CCDC3: variants seen among roughly 807,000 people sequenced by gnomAD.
The protein encoded by CCDC3 is coiled-coil domain containing 3, also known as coiled-coil domain-containing protein 3.
In CCDC3, 24 loss-of-function variants were observed where a neutral mutation model predicts 21.4. The observed-to-expected ratio is 1.12, with a 90% confidence interval of 0.81 to 1.58. The LOEUF is 1.58. CCDC3 is among the 40% of genes most tolerant of loss of function. The probability of loss-of-function intolerance (pLI) is 0.00; values close to 1 mark genes in which losing one functional copy is unlikely to be tolerated. For missense variants in CCDC3, 425 were observed against 360.9 expected (o/e 1.18, Z -1.44); for synonymous variants, 186 against 166.0 (o/e 1.12, Z -0.93).
intron 2 of CCDC3, among the ~76,000 whole-genome samples, chr10:12,964,649 T>C (rs1835233036): frequency 6.6e-6 from 1 of 152,188 alleles, no homozygotes; most frequent in Non-Finnish European, 1.5e-5. Context: ...TGATAATACA[T>C]TTCCTCACTG....
At chr10:13,004,970 C>T (rs1420056204), upstream of CCDC3, among the ~76,000 whole-genome samples, 2 of 152,136 alleles carry the variant, frequency 1.3e-5, no homozygotes, top group Non-Finnish European at 2.9e-5. Flanking sequence ...ATAAGATGTC[C>T]ATTCATTCAC....
intron 5 of CCDC3, among the ~76,000 whole-genome samples, chr10:13,039,384 C>A (rs1836419932): frequency 1.3e-5 from 2 of 151,120 alleles, no homozygotes; most frequent in African/African-American, 4.9e-5. Flanking sequence ...GATCGTGCCA[C>A]TGCACTCCAG....
At chr10:12,923,430 G>A (rs778027946) in intron 2 of CCDC3, among the ~76,000 whole-genome samples, 4 of 151,974 alleles carry the variant, frequency 2.6e-5, no homozygotes, top group African/African-American at 4.8e-5. Context: ...CTCCTGGCAC[G>A]CCCTTTCCAC....
intron 2 of CCDC3, among the ~76,000 whole-genome samples, chr10:12,979,449 G>A (rs1287205303): frequency 1.3e-5 from 2 of 151,962 alleles, no homozygotes; most frequent in Non-Finnish European, 2.9e-5. Context: ...CTGGAGTGCA[G>A]TGGCATGATC....
At chr10:13,016,493 C>T (rs12415226) in intron 5 of CCDC3, among the ~76,000 whole-genome samples, 7 of 152,016 alleles carry the variant, frequency 4.6e-5, no homozygotes, top group Admixed American at 2.0e-4. Context: ...CTTGGAGGCT[C>T]CTAATGTACA....
chr10:12,997,480 G>C (rs1255394051), intron 2 of CCDC3, among the ~76,000 whole-genome samples: 1 of 152,182 alleles, frequency 6.6e-6, no homozygotes, highest in African/African-American at 2.4e-5. Flanking sequence ...ATTTGGCCCA[G>C]ATCGGAAGAC....
At chr10:12,901,870 C>T (rs183827571) in intron 2 of CCDC3, among the ~76,000 whole-genome samples, 2 of 152,350 alleles carry the variant, frequency 1.3e-5, no homozygotes, top group Admixed American at 1.3e-4. Context: ...CTTCCTCCAA[C>T]ACATCAGCGC....
rs1367245593 is a variant in CCDC3 at position 12,898,465 on chromosome 10, G to A, written c.764C>T (p.Pro255Leu). The A allele has an allele frequency of 1.9e-6, 3 of 1,612,432 alleles. No homozygotes were observed. The highest frequency in any genetic ancestry group is 1.3e-5 in the African/African-American group (1 of 75,038). Residue 255 changes from proline (P) to leucine (L), a missense_variant, in exon 3 of 3, where the codon CCG becomes CTG. Pro to Leu is a moderately conservative substitution (Grantham distance 98). Transcript: ENST00000378825. ...LSEKLAAGAL[P>L]HINARGPVRP... ...CACGGGCCCCCGGGCATTGATGTGCGGCAGCGCGCCCGCCGCCAGCTTCTC... is the reference window on the plus strand; with the variant it reads ...CACGGGCCCCCGGGCATTGATGTGCAGCAGCGCGCCCGCCGCCAGCTTCTC...
intron 2 of CCDC3, among the ~76,000 whole-genome samples, chr10:12,951,539 C>T (rs1835008067): frequency 6.6e-6 from 1 of 152,094 alleles, no homozygotes; most frequent in Admixed American, 6.6e-5. Flanking sequence ...CACTCTGTGG[C>T]TCACGCCTGT....
chr10:12,914,634 G>C (rs1184729797), intron 2 of CCDC3, among the ~76,000 whole-genome samples: 3 of 151,632 alleles, frequency 2.0e-5, no homozygotes, highest in Non-Finnish European at 4.4e-5. Context: ...TGTAGAGCCG[G>C]GATTTTGCTA....
intron 5 of CCDC3, among the ~76,000 whole-genome samples, chr10:13,030,385 A>G (rs1057225574): frequency 1.3e-5 from 2 of 152,202 alleles, no homozygotes; most frequent in African/African-American, 4.8e-5. Context: ...CACTGCAAAA[A>G]CATGCCAAAT....
intron 2 of CCDC3, among the ~76,000 whole-genome samples, chr10:12,951,040 G>A (rs1834999743): frequency 6.6e-6 from 1 of 152,170 alleles, no homozygotes; most frequent in African/African-American, 2.4e-5. Context: ...AAAAGGCCAA[G>A]CAGGAGCTGA....
At chr10:13,039,349 G>T (rs1185217100) in intron 5 of CCDC3, among the ~76,000 whole-genome samples, 3 of 152,176 alleles carry the variant, frequency 2.0e-5, no homozygotes, top group East Asian at 3.9e-4. Flanking sequence ...CTTGAACCTG[G>T]GAGGCGGAGG....
At chr10:13,095,705 C>T (rs1331607582) in intron 3 of CCDC3, among the ~76,000 whole-genome samples, 1 of 152,148 alleles carries the variant, frequency 6.6e-6, no homozygotes, top group Non-Finnish European at 1.5e-5. Context: ...GGGACCCCTG[C>T]TTTATTGGAC....
rs1300744482 is a variant in CCDC3 at position 12,992,440 on chromosome 10, G to A, written c.549+5898C>T. 3.9e-5 allele frequency among the ~76,000 whole-genome samples: 6 copies of A among 152,078 alleles called. No individual in the cohort carries two copies. In the East Asian group the frequency reaches 9.6e-4, roughly 24 times the overall value. ...ACAACTCCATTGAGATAAAGAAAATGTATTTTATATATGTCATGGAATACT... is the reference window on the plus strand; with the variant it reads ...ACAACTCCATTGAGATAAAGAAAATATATTTTATATATGTCATGGAATACT... On this transcript the variant is annotated intron_variant, in intron 2 of 2. Coordinates refer to ENST00000378825, the MANE Select transcript of CCDC3 (RefSeq NM_031455.4).
chr10:12,961,472 G>T (rs1467902495), intron 2 of CCDC3, among the ~76,000 whole-genome samples: 5 of 152,184 alleles, frequency 3.3e-5, no homozygotes, highest in African/African-American at 1.2e-4. Flanking sequence ...GTCTAAAGTT[G>T]TCCTAGCCAC....
At chr10:13,006,694 AGAG>A (rs1394407013), upstream of CCDC3, among the ~76,000 whole-genome samples, 2 of 152,326 alleles carry the variant, frequency 1.3e-5, no homozygotes, top group Non-Finnish European at 2.9e-5. Flanking sequence ...GAGAAGTCTT[AGAG>A]GAGGATTTAT....
At chr10:13,004,810 G>A (rs992773978), upstream of CCDC3, among the ~76,000 whole-genome samples, 2 of 152,042 alleles carry the variant, frequency 1.3e-5, no homozygotes, top group South Asian at 2.1e-4. Context: ...GGCTCATTGA[G>A]TAAGCAGTAG....
At chr10:12,912,518 T>G (rs1834285465) in intron 2 of CCDC3, among the ~76,000 whole-genome samples, 1 of 152,252 alleles carries the variant, frequency 6.6e-6, no homozygotes, top group Admixed American at 6.5e-5. Flanking sequence ...TATTAACCCC[T>G]TATCAGATGT....
Sources: gnomAD v4.1 joint callset for allele counts (sites outside exome capture counted in the v4.1 genomes callset) on GRCh38, gnomAD v4.1.1 for gene constraint, MANE v1.5 for transcripts, NCBI Gene and HGNC (gene_info 2026-07-23, HGNC 2026-07-21) for gene names.